Variants in ULK4 observed in about 807,000 individuals in gnomAD.
ULK4 encodes the protein inactive serine/threonine-protein kinase ULK4.
ULK4 carries 133 observed loss-of-function variants against 160.6 expected under a neutral mutation model. The observed-to-expected ratio is 0.83, with a 90% CI of 0.72 to 0.96. ULK4 has a LOEUF of 0.96. ULK4 is among the 40% of genes least tolerant of loss of function. The probability of loss-of-function intolerance (pLI) is 0.00; values close to 1 mark genes in which losing one functional copy is unlikely to be tolerated. For synonymous variants in ULK4, 534 were observed against 539.8 expected (o/e 0.99, Z 0.15); for missense variants, 1,580 against 1,499.5 (o/e 1.05, Z -0.89).
At chr3:41,856,754 A>G (rs926028629) in intron 17 of ULK4, among the ~76,000 whole-genome samples, 2 of 151,064 alleles carry the variant, frequency 1.3e-5, no homozygotes, top group Non-Finnish European at 2.9e-5. Flanking sequence ...AAAAATAAAA[A>G]AATTAGCCAG....
Position 41,715,511 on chromosome 3 carries a change from T to G in ULK4, c.2513A>C (p.Gln838Pro), listed in dbSNP as rs188749983. 4.5e-5 allele frequency: 72 copies of G among 1,614,122 alleles called. No homozygotes were observed. The Admixed American group carries it at 6.3e-4, about 14-fold the overall frequency. ...GAGACACAACTTCAGCTGTTTCACT[T>G]GAACTGTTGATGGGTGTTTACGTCC... ...VSGRKHPSTV[Q>P]VKQLKLCLPL... The change falls in exon 24 of 37, where the codon CAA becomes CCA. Residue 838 changes from glutamine (Q) to proline (P), a missense_variant. Gln to Pro is a moderately conservative substitution (Grantham distance 76, BLOSUM62 -1). Transcript: ENST00000301831.
intron 35 of ULK4, among the ~76,000 whole-genome samples, chr3:41,374,818 A>T (rs1390476181): frequency 6.6e-6 from 1 of 152,228 alleles, no homozygotes; most frequent in Admixed American, 6.5e-5. Flanking sequence ...AATAAAGGGT[A>T]TTCAAATAGG....
chr3:41,389,616 T>A (rs1187518848), intron 35 of ULK4, among the ~76,000 whole-genome samples: 1 of 152,222 alleles, frequency 6.6e-6, no homozygotes, highest in Non-Finnish European at 1.5e-5. Context: ...CTTTTCTGCA[T>A]CTATTGAGAT....
intron 32 of ULK4, among the ~76,000 whole-genome samples, chr3:41,540,989 A>T (rs1439164619): frequency 3.3e-5 from 5 of 151,856 alleles, no homozygotes; most frequent in African/African-American, 9.7e-5. Flanking sequence ...TTGCCTGTTC[A>T]CTCTGATGGT....
chr3:41,928,051 A>G (rs1699447140), intron 5 of ULK4, among the ~76,000 whole-genome samples: 1 of 152,222 alleles, frequency 6.6e-6, no homozygotes, highest in Admixed American at 6.5e-5. Context: ...CAGAATATAC[A>G]TTCTTCTCAG....
intron 2 of ULK4, among the ~76,000 whole-genome samples, chr3:41,950,860 A>G (rs1559672154): frequency 1.3e-5 from 2 of 151,676 alleles, no homozygotes; most frequent in South Asian, 4.2e-4. Context: ...AAAGACATAA[A>G]TAGGCTGGGC....
chr3:41,680,453 C>A (rs1042757742), intron 29 of ULK4, among the ~76,000 whole-genome samples: 3 of 152,122 alleles, frequency 2.0e-5, no homozygotes, highest in African/African-American at 7.2e-5. Flanking sequence ...AGGGTCGACA[C>A]AGAACACCCA....
rs568380032 is a variant in ULK4 at position 41,872,579 on chromosome 3, T to A, written c.1656+11295A>T. Reference sequence around the variant, plus strand: ...AACGTACAGCTCAGCCAGGTCCACTTCCCTTCTTTCAGGTAGTGTGTTGCC... The same window carrying A: ...AACGTACAGCTCAGCCAGGTCCACTACCCTTCTTTCAGGTAGTGTGTTGCC... On this transcript the variant is annotated intron_variant, in intron 17 of 36. Transcript: ENST00000301831. Among the ~76,000 whole-genome samples the A allele has an allele frequency of 4.8e-4, 73 of 152,166 alleles. No homozygotes were observed. In the East Asian group the frequency reaches 9.1e-3, roughly 19 times the overall value.
intron 21 of ULK4, among the ~76,000 whole-genome samples, chr3:41,786,598 C>CAAA (rs34207417): frequency 1.1e-4 from 7 of 64,084 alleles, no homozygotes; most frequent in African/African-American, 3.0e-4. Context: ...ATCCTGTCTC[C>CAAA]AAAAAAAAAA....
At chr3:41,730,819 G>A (rs374159062) in intron 22 of ULK4, among the ~76,000 whole-genome samples, 3 of 152,146 alleles carry the variant, frequency 2.0e-5, no homozygotes, top group Non-Finnish European at 2.9e-5. Flanking sequence ...TATCCTTGAT[G>A]AAAAACCATT....
intron 31 of ULK4, among the ~76,000 whole-genome samples, chr3:41,615,177 T>C (rs1475457198): frequency 6.6e-6 from 1 of 152,126 alleles, no homozygotes; most frequent in Non-Finnish European, 1.5e-5. Flanking sequence ...TTAAATTAAA[T>C]TGTATTCTGT....
intron 35 of ULK4, among the ~76,000 whole-genome samples, chr3:41,350,373 T>TG (rs566115351): frequency 4.6e-4 from 70 of 152,364 alleles, no homozygotes; most frequent in African/African-American, 1.7e-3. Flanking sequence ...TTTATTTCAT[T>TG]GGAAGTTTAT....
At chr3:41,809,165 CA>C (rs147555860) in intron 19 of ULK4, among the ~76,000 whole-genome samples, 5 of 100,548 alleles carry the variant, frequency 5.0e-5, no homozygotes, top group Non-Finnish European at 7.6e-5. Flanking sequence ...GACTCCGTCT[CA>C]AAAAAAAAAC....
At chr3:41,650,222 C>A (rs2034684398) in intron 30 of ULK4, among the ~76,000 whole-genome samples, 1 of 152,216 alleles carries the variant, frequency 6.6e-6, no homozygotes. Context: ...ATTCCTCATT[C>A]TTCCTGGATG....
intron 17 of ULK4, among the ~76,000 whole-genome samples, chr3:41,868,807 T>A (rs532860827): frequency 1.3e-5 from 2 of 152,018 alleles, no homozygotes; most frequent in Admixed American, 6.6e-5. Flanking sequence ...GGTCTTTTTT[T>A]TCCCCCCCAA....
chr3:41,739,663 A>C lies in ULK4; in HGVS notation c.2321+14698T>G, dbSNP rs1401679582. Among the ~76,000 whole-genome samples the C allele has an allele frequency of 2.0e-5, 3 of 151,884 alleles. No homozygotes were observed. The East Asian group carries it at 5.8e-4, about 29-fold the overall frequency. On this transcript the variant is annotated intron_variant, in intron 22 of 36. Coordinates refer to ENST00000301831, the MANE Select transcript of ULK4 (RefSeq NM_017886.4). The stretch of plus-strand genomic sequence containing the variant: ...AGAATGAGCACATGCATGTTCACTA[A>C]CAGGCATCCACTTCAGAGGAGGCTT...
chr3:41,949,279 T>A (rs566281343), intron 2 of ULK4, among the ~76,000 whole-genome samples: 1 of 151,600 alleles, frequency 6.6e-6, no homozygotes, highest in African/African-American at 2.4e-5. Context: ...ACTGAACTCC[T>A]GCCTGGATAG....
At chr3:41,902,880 G>A (rs1202618700) in intron 12 of ULK4, among the ~76,000 whole-genome samples, 1 of 152,200 alleles carries the variant, frequency 6.6e-6, no homozygotes, top group Non-Finnish European at 1.5e-5. Flanking sequence ...GGTTTGTGAA[G>A]AATAAACACA....
chr3:41,382,950 A>C (rs2081702101), intron 35 of ULK4, among the ~76,000 whole-genome samples: 2 of 152,198 alleles, frequency 1.3e-5, no homozygotes, highest in African/African-American at 4.8e-5. Flanking sequence ...TCTTAAAATT[A>C]ATATAGATTA....
Sources: gnomAD v4.1 joint callset for allele counts (sites outside exome capture counted in the v4.1 genomes callset) on GRCh38, gnomAD v4.1.1 for gene constraint, MANE v1.5 for transcripts, NCBI Gene and HGNC (gene_info 2026-07-23, HGNC 2026-07-21) for gene names.